The following CES3 variants were observed in gnomAD, a reference collection of about 807,000 sequenced individuals.
CES3 encodes carboxylesterase 3, also known as carboxylesterase 3 (brain).
Under a neutral mutation model 57.6 loss-of-function variants are expected in CES3, and 49 were observed. The ratio of observed to expected loss-of-function variants is 0.85; its 90% CI spans 0.68 to 1.08. The LOEUF (loss-of-function observed/expected upper bound fraction) is 1.08, where lower values mean the gene tolerates loss of function less well. Among genes scored for constraint, CES3 ranks in the 50% least tolerant of loss-of-function variants. CES3 has a pLI of 0.00. For synonymous variants in CES3, 266 were observed against 281.6 expected, an observed-to-expected ratio of 0.94 and a Z score of 0.55; for missense variants, 645 against 742.0, an observed-to-expected ratio of 0.87 and a Z score of 1.52.
chr16:66,973,209 A>C lies in CES3; in HGVS notation c.*160A>C. ...TGGAGTTATGCTCTTTTGAAATGTC[A>C]CAAGGCCGCCTCCCACCTCTGGGGC... On this transcript the variant is annotated 3_prime_UTR_variant, in exon 13 of 13. Coordinates refer to ENST00000303334, the MANE Select transcript of CES3 (RefSeq NM_024922.6). The C allele has an allele frequency of 1.5e-6, 1 of 663,478 alleles. No homozygotes were observed. The highest frequency in any genetic ancestry group is 2.6e-6 in the Non-Finnish European group (1 of 391,510). The allele number at this position is 663,478 out of a possible 1,614,324, so 41.1% of individuals were successfully genotyped here. A position where few individuals can be genotyped will look rare whatever the true frequency, so the allele number is the denominator to read the frequency against.
intron 7 of CES3, 75 bp downstream of exon 7, chr16:66,966,420 G>A: frequency 6.9e-7 from 1 of 1,448,630 alleles, no homozygotes; most frequent in African/African-American, 1.4e-5. Context: ...CAGGAGCAGA[G>A]GGGCAGTCTA....
rs764027807 is a variant in CES3 at position 66,964,515 on chromosome 16, G to A, written c.714+5G>A. On this transcript the variant is annotated splice_donor_5th_base_variant and intron_variant, in intron 5 of 12. Transcript: ENST00000303334. ...GGGAGCATCATCTCTGGCCTGGTAA[G>A]TCACTATAGGGGGCTAGTGATGGTG... The A allele has an allele frequency of 6.2e-7, 1 of 1,613,962 alleles. No individual in the cohort carries two copies. The highest frequency in any genetic ancestry group is 2.2e-5 in the East Asian group (1 of 44,876).
chr16:66,966,209 T>C (rs1256576656), intron 6 of CES3, 35 bp from the exon 7 acceptor site: 3 of 1,596,498 alleles, frequency 1.9e-6, no homozygotes, highest in Non-Finnish European at 2.6e-6. Flanking sequence ...GCTGAGTGGC[T>C]GAGAGGGAGG....
Position 66,966,873 on chromosome 16 carries a change from G to A in CES3, c.1062+8G>A. The A allele has an allele frequency of 6.2e-7, 1 of 1,613,722 alleles. No homozygotes were observed. The highest frequency in any genetic ancestry group is 8.5e-7 in the Non-Finnish European group (1 of 1,179,994). ...AGCTGGCTCATCCCCAGGGTGAGTT[G>A]CTCCCACCCCTGTGCCCTTCAAGGC... is the stretch of plus-strand genomic sequence containing the variant. On this transcript the variant is annotated splice_region_variant and intron_variant, in intron 8 of 12. Transcript: ENST00000303334.
chr16:66,962,181 G>A (rs536841809), intron 1 of CES3, among the ~76,000 whole-genome samples: 2 of 152,314 alleles, frequency 1.3e-5, no homozygotes, highest in South Asian at 2.1e-4. Flanking sequence ...CCTGGTACCC[G>A]GCTCTGTGGT....
intron 8 of CES3, chr16:66,967,767 T>G (rs1016391244): frequency 1.0e-6 from 1 of 985,150 alleles, no homozygotes; most frequent in Non-Finnish European, 1.2e-6. Flanking sequence ...GTTTGTGTGT[T>G]TGTTTGTTTT....
intron 9 of CES3, 64 bp downstream of exon 9, chr16:66,969,823 C>T (rs1597023374): frequency 1.4e-6 from 2 of 1,410,880 alleles, no homozygotes; most frequent in Non-Finnish European, 2.0e-6. Context: ...GGTATCCCAT[C>T]CAACAGCACA....
At chr16:66,964,228 C>A (rs890827766) in intron 4 of CES3, 129 bp from the exon 5 acceptor site, 17 of 1,302,116 alleles carry the variant, frequency 1.3e-5, no homozygotes, top group Non-Finnish European at 1.8e-5. Context: ...ATGCCAACCA[C>A]GGCTCCCAGA....
At position 66,963,566 on chromosome 16, in the gene CES3, A is replaced by G. The variant is rs1227351503; in HGVS notation, c.363A>G (p.Ser121=). The G allele has an allele frequency of 1.9e-6, 3 of 1,614,216 alleles. No individual in the cohort carries two copies. Among genetic ancestry groups the G allele is most frequent in the South Asian group, 1.1e-5 (1 of 91,082 alleles). ...GAAAACAGCAGATCTTCTCCGTTTCAGAGGACTGCCTGGTCCTCAACGTCT... is the reference window on the plus strand; with the variant it reads ...GAAAACAGCAGATCTTCTCCGTTTCGGAGGACTGCCTGGTCCTCAACGTCT... ...LNGKQQIFSV[S]EDCLVLNVYS... is the part of the protein sequence containing the mutation. The change falls in exon 3 of 13, where the codon TCA becomes TCG. Residue 121 remains serine, a synonymous_variant. Transcript: ENST00000303334. This position sits in a 1 kb window ranked among gnomAD's most constrained non-coding sequence, Gnocchi z 4.9.
rs182188288 is a variant in CES3, at chr16:66,969,899, A to T, written c.1143+140A>T. The T allele has an allele frequency of 2.6e-5, 18 of 705,442 alleles. No individual in the cohort carries two copies. The Admixed American group carries it at 4.2e-4, about 16-fold the overall frequency. The allele number at this position is 705,442 out of a possible 1,614,324, so 43.7% of individuals were successfully genotyped here. On this transcript the variant is annotated intron_variant, in intron 9 of 12. Coordinates refer to ENST00000303334, the MANE Select transcript of CES3 (RefSeq NM_024922.6). ...ACCACCAAGCCCCTTTGTCTAACTG[A>T]TCAATTTTACTTCCACTCCGGAATC...
intron 6 of CES3, among the ~76,000 whole-genome samples, chr16:66,965,774 A>C (rs145435341): frequency 3.9e-5 from 6 of 152,206 alleles, no homozygotes; most frequent in Non-Finnish European, 7.4e-5. Context: ...CCCCATCTCT[A>C]CTAAAAATAC....
intron 8 of CES3, 58 bp from the exon 9 acceptor site, chr16:66,969,621 G>A: frequency 2.6e-6 from 4 of 1,537,006 alleles, no homozygotes; most frequent in Non-Finnish European, 3.6e-6. Context: ...GCCCAGGGCT[G>A]GGAGTCGGGG....
At chr16:66,964,052 T>A (rs1963694018) in intron 4 of CES3, 117 bp downstream of exon 4, 2 of 1,457,706 alleles carry the variant, frequency 1.4e-6, no homozygotes, top group East Asian at 2.3e-5. Flanking sequence ...TTACCCATGA[T>A]GTCTGAGGCA....
rs528905981 is a variant in CES3, at chr16:66,974,982, A to T, written c.*1933A>T. On this transcript the variant is annotated 3_prime_UTR_variant, in exon 13 of 13. Transcript: ENST00000303334. ...ACCAATCAGCACCCTGTCAAAACAG[A>T]CCACTTGACTCTCTGTAAAATGGAC... is the stretch of plus-strand genomic sequence containing the variant. The T allele has an allele frequency of 6.6e-6, 1 of 152,222 alleles. No homozygotes were observed. Among genetic ancestry groups the T allele is most frequent in the Non-Finnish European group, 1.5e-5 (1 of 68,066 alleles). 9.4% of individuals were successfully genotyped at this position (152,222 alleles called of 1,614,324 possible).
chr16:66,963,908 A>T lies in CES3; in HGVS notation c.533A>T (p.Tyr178Phe). Residue 178 changes from tyrosine (Y) to phenylalanine (F), a missense_variant, in exon 4 of 13, where the codon TAC becomes TTC. Transcript: ENST00000303334. This position sits in a 1 kb window ranked among gnomAD's most constrained non-coding sequence, Gnocchi z 4.9. ...YGDVVVVTVQ[Y>F]RLGVLGFFST... ...GATGTGGTCGTGGTTACAGTCCAGT[A>T]CCGCCTTGGGGTCCTTGGCTTCTTC... 1 of 1,613,944 alleles carries T rather than the reference A, an allele frequency of 6.2e-7. No homozygotes were observed. Among genetic ancestry groups the T allele is most frequent in the South Asian group, 1.1e-5 (1 of 91,078 alleles).
chr16:66,967,496 A>G (rs1394559262), intron 8 of CES3: 1 of 985,368 alleles, frequency 1.0e-6, no homozygotes, highest in Non-Finnish European at 1.2e-6. Flanking sequence ...TGCCAGAGCA[A>G]TTGACTAAAA....
Position 66,966,299 on chromosome 16 carries a change from G to A in CES3, c.875G>A (p.Cys292Tyr), listed in dbSNP as rs1211729132. Reference sequence around the variant, plus strand: ...AGCTCCCCGGCTGAGATGGTGCAGTGCCTTCAGCAGAAAGAAGGAGAAGAG... The same window carrying A: ...AGCTCCCCGGCTGAGATGGTGCAGTACCTTCAGCAGAAAGAAGGAGAAGAG... ...SSSSPAEMVQ[C>Y]LQQKEGEELV... Residue 292 changes from cysteine (C) to tyrosine (Y), a missense_variant, in exon 7 of 13, where the codon TGC becomes TAC. By Grantham distance (194) the Cys-to-Tyr change is radical. Coordinates refer to ENST00000303334, the MANE Select transcript of CES3 (RefSeq NM_024922.6). 2.5e-6 allele frequency: 4 copies of A among 1,613,724 alleles called. No individual in the cohort carries two copies. Among genetic ancestry groups the A allele is most frequent in the Non-Finnish European group, 2.5e-6 (3 of 1,179,974 alleles).
At chr16:66,968,434 C>G (rs960818328) in intron 8 of CES3, among the ~76,000 whole-genome samples, 17 of 152,194 alleles carry the variant, frequency 1.1e-4, no homozygotes, top group African/African-American at 4.8e-5. Context: ...TCCCAAAATG[C>G]TGGGATTACA....
chr16:66,969,877 A>C, intron 9 of CES3, 118 bp downstream of exon 9: 5 of 821,344 alleles, frequency 6.1e-6, no homozygotes, highest in Non-Finnish European at 1.0e-5. Context: ...CCCACCTACC[A>C]CCAAGCCCCT....
Sources: gnomAD v4.1 joint callset for allele counts (sites outside exome capture counted in the v4.1 genomes callset) on GRCh38, gnomAD v4.1.1 for gene constraint, Gnocchi (gnomAD v3.1) non-coding constraint, MANE v1.5 for transcripts, NCBI Gene and HGNC (gene_info 2026-07-23, HGNC 2026-07-21) for gene names.